Variants in ZNF408 observed in about 807,000 individuals in gnomAD.
The protein encoded by ZNF408 is PR domain zinc finger protein 17.
Under a neutral mutation model 27.6 loss-of-function variants are expected in ZNF408, and 24 were observed. That is an observed-to-expected ratio of 0.87 (90% CI 0.63 to 1.22). ZNF408 has a LOEUF of 1.22. ZNF408 is among the 50% of genes most tolerant of loss of function. The probability of loss-of-function intolerance (pLI) is 0.00; values close to 1 mark genes in which losing one functional copy is unlikely to be tolerated. For synonymous variants in ZNF408, 410 were observed against 396.1 expected, an observed-to-expected ratio of 1.04 and a Z score of -0.42; for missense variants, 897 against 949.0, an observed-to-expected ratio of 0.95 and a Z score of 0.72.
chr11:46,702,513 A>G (rs530398355), intron 2 of ZNF408, among the ~76,000 whole-genome samples, 191 bp from the exon 3 acceptor site: 31 of 152,364 alleles, frequency 2.0e-4, no homozygotes, highest in Non-Finnish European at 4.3e-4. Flanking sequence ...GGAGGTGAGG[A>G]GACAGACTTT....
chr11:46,705,514 A>G lies in ZNF408; in HGVS notation c.1814A>G (p.Lys605Arg). 6.2e-7 allele frequency: 1 copy of G among 1,604,974 alleles called. No individual in the cohort carries two copies. The highest frequency in any genetic ancestry group is 8.5e-7 in the Non-Finnish European group (1 of 1,179,976). The change falls in exon 5 of 5, where the codon AAG becomes AGG. Residue 605 changes from lysine to arginine, a missense_variant. Coordinates refer to ENST00000311764, the MANE Select transcript of ZNF408 (RefSeq NM_024741.3). The surrounding 1 kb of genome is among the most constrained non-coding windows in gnomAD (Gnocchi z 6.5). ...CACCTCAAATCTCACTTGGAGGACA[A>G]GCCCTACCGCTGCCCCACCTGTGGC... Reference protein sequence around the residue: ...RRHLKSHLEDKPYRCPTCGMG... With the variant: ...RRHLKSHLEDRPYRCPTCGMG...
At chr11:46,703,758 G>GTTTTTTTTTTTTT (rs371644247) in intron 4 of ZNF408, among the ~76,000 whole-genome samples, 1 of 94,174 alleles carries the variant, frequency 1.1e-5, no homozygotes, top group African/African-American at 4.7e-5. Context: ...TGTTGTTGTT[G>GTTTTTTTTTTTTT]TTGTTGTTGT....
At chr11:46,703,820 T>C (rs1030645741) in intron 4 of ZNF408, among the ~76,000 whole-genome samples, 1 of 139,280 alleles carries the variant, frequency 7.2e-6, no homozygotes, top group Non-Finnish European at 1.5e-5. Context: ...CAGGCTGGAG[T>C]GCAATGGCGT....
chr11:46,705,660 G>C lies in ZNF408; in HGVS notation c.1960G>C (p.Ala654Pro). 3 of 1,613,728 alleles carry C rather than the reference G, an allele frequency of 1.9e-6. No homozygotes were observed. Among genetic ancestry groups the C allele is most frequent in the Non-Finnish European group, 2.5e-6 (3 of 1,179,998 alleles). ...ASEPTVVLLQAEPQLLDTHRE... is the reference protein window; with the variant it reads ...ASEPTVVLLQPEPQLLDTHRE... ...TGAGCCCACTGTGGTGCTCCTGCAG[G>C]CTGAGCCACAACTGCTGGACACACA... Residue 654 changes from alanine to proline, a missense_variant, in exon 5 of 5, where the codon GCT (alanine) becomes CCT (proline). Ala to Pro is a conservative substitution (Grantham distance 27, BLOSUM62 -1). Transcript: ENST00000311764. This position sits in a 1 kb window ranked among gnomAD's most constrained non-coding sequence, Gnocchi z 6.5.
Position 46,705,455 on chromosome 11 carries a change from C to A in ZNF408, c.1755C>A (p.Gly585=). ...GGCCCTTTCCCTGTCCCCAGTGTGG[C>A]CGTGCTTACACGCTGGCCACCAAGC... is the stretch of plus-strand genomic sequence containing the variant. The part of the protein sequence containing the change: ...GERPFPCPQC[G]RAYTLATKLR... The change falls in exon 5 of 5, where the codon GGC becomes GGA. Residue 585 remains glycine (G), a synonymous_variant. Coordinates refer to ENST00000311764, the MANE Select transcript of ZNF408 (RefSeq NM_024741.3). This position sits in a 1 kb window ranked among gnomAD's most constrained non-coding sequence, Gnocchi z 6.5. 5 of 1,607,854 alleles carry A rather than the reference C, an allele frequency of 3.1e-6. No individual in the cohort carries two copies. Among genetic ancestry groups the A allele is most frequent in the East Asian group, 4.5e-5 (2 of 44,860 alleles).
At chr11:46,704,305 A>G (rs1232061892) in intron 4 of ZNF408, 48 bp from the exon 5 acceptor site, 7 of 1,522,896 alleles carry the variant, frequency 4.6e-6, no homozygotes, top group Non-Finnish European at 6.2e-6. Flanking sequence ...TGGTAACACC[A>G]TCTGCATTGA....
rs759327005 is a variant in ZNF408, at chr11:46,705,842, G to A, written c.2142G>A (p.Val714=). 6.2e-7 allele frequency: 1 copy of A among 1,612,218 alleles called. No homozygotes were observed. Residue 714 remains valine, a synonymous_variant, in exon 5 of 5, where the codon GTG becomes GTA. Transcript: ENST00000311764. This position sits in a 1 kb window ranked among gnomAD's most constrained non-coding sequence, Gnocchi z 6.5. ...DMGLGAWAEV[V]EVEMGT ...GCCTCGGCGCCTGGGCAGAGGTGGT[G>A]GAGGTGGAGATGGGCACCTGACAGC...
chr11:46,701,351 T>C, intron 1 of ZNF408, 48 bp from the exon 2 acceptor site: 1 of 1,596,800 alleles, frequency 6.3e-7, no homozygotes, highest in Non-Finnish European at 8.6e-7. Flanking sequence ...TTTCCCCACC[T>C]CCCACCTTCT....
chr11:46,704,659 C>G lies in ZNF408; in HGVS notation c.959C>G (p.Ala320Gly), dbSNP rs763894842. 1 of 1,613,796 alleles carries G rather than the reference C, an allele frequency of 6.2e-7. No individual in the cohort carries two copies. Among genetic ancestry groups the G allele is most frequent in the South Asian group, 1.1e-5 (1 of 91,074 alleles). The part of the protein sequence containing the change: ...HSPSDQCPPR[A>G]KTPEPGAQQS... The stretch of plus-strand genomic sequence containing the variant: ...CCCAGTGATCAGTGCCCACCCAGAG[C>G]AAAGACCCCAGAGCCTGGAGCCCAG... Residue 320 changes from alanine (A) to glycine (G), a missense_variant, in exon 5 of 5, where the codon GCA (alanine) becomes GGA (glycine). Ala to Gly is a moderately conservative substitution (Grantham distance 60). Transcript: ENST00000311764.
In ZNF408 at chr11:46,705,881, GAC is replaced by G. The variant is rs751026127; in HGVS notation, c.*22_*23del. On this transcript the variant is annotated 3_prime_UTR_variant, in exon 5 of 5. Coordinates refer to ENST00000311764, the MANE Select transcript of ZNF408 (RefSeq NM_024741.3). This position sits in a 1 kb window ranked among gnomAD's most constrained non-coding sequence, Gnocchi z 6.5. Reference sequence around the variant, plus strand: ...GCACCTGACAGCTTTGCCTTTTGCTGACACAGCTCCATAAAGACTCGTGCTTT... The same window carrying G: ...GCACCTGACAGCTTTGCCTTTTGCTGACAGCTCCATAAAGACTCGTGCTTT... The G allele has an allele frequency of 2.5e-5, 40 of 1,603,710 alleles. No homozygotes were observed. In the South Asian group the frequency reaches 4.2e-4, roughly 17 times the overall value.
At chr11:46,702,946 G>A (rs1343227691) in intron 3 of ZNF408, 38 bp from the exon 4 acceptor site, 1 of 1,610,658 alleles carries the variant, frequency 6.2e-7, no homozygotes, top group Admixed American at 1.7e-5. Flanking sequence ...CACTTGAATA[G>A]TGAGCATCTC....
chr11:46,704,572 G>A lies in ZNF408; in HGVS notation c.872G>A (p.Ser291Asn), dbSNP rs777777641. 2.5e-6 allele frequency: 4 copies of A among 1,613,552 alleles called. No homozygotes were observed. The African/African-American group carries it at 5.3e-5, about 22-fold the overall frequency. Residue 291 changes from serine (S) to asparagine (N), a missense_variant, in exon 5 of 5, where the codon AGT (serine) becomes AAT (asparagine). Transcript: ENST00000311764. ...TQQDPDGSGA[S>N]FSSSARGTQP... ...CAGGACCCAGATGGCAGTGGAGCCA[G>A]TTTCTCATCTTCTGCCAGGGGCACC...
chr11:46,704,266 G>T, intron 4 of ZNF408, 87 bp from the exon 5 acceptor site: 1 of 1,406,554 alleles, frequency 7.1e-7, no homozygotes, highest in Non-Finnish European at 9.7e-7. Flanking sequence ...GGGGCTGGGT[G>T]GGAGAAAACA....
intron 4 of ZNF408, 48 bp downstream of exon 4, chr11:46,703,291 C>A: frequency 6.4e-7 from 1 of 1,570,342 alleles, no homozygotes; most frequent in Non-Finnish European, 8.6e-7. Context: ...CCCACCAAAA[C>A]AACCTGTTGA....
At position 46,701,118 on chromosome 11, in the gene ZNF408, C is replaced by A. The variant is rs765045914; in HGVS notation, c.52+19C>A. The stretch of plus-strand genomic sequence containing the variant: ...CAACTCGGTGAGTGACCTGCGATGT[C>A]CGCGACCCTCAACCTTGGCCCAGGT... On this transcript the variant is annotated intron_variant, in intron 1 of 4. Transcript: ENST00000311764. The A allele has an allele frequency of 1.2e-6, 2 of 1,613,942 alleles. No homozygotes were observed. The highest frequency in any genetic ancestry group is 2.2e-5 in the East Asian group (1 of 44,892).
chr11:46,701,760 G>A, intron 2 of ZNF408, 84 bp downstream of exon 2: 2 of 1,416,818 alleles, frequency 1.4e-6, no homozygotes, highest in Admixed American at 2.8e-5. Context: ...TCAATTTGAA[G>A]AAAGAGAGTA....
At chr11:46,702,054 A>G (rs2064713216) in intron 2 of ZNF408, among the ~76,000 whole-genome samples, 2 of 152,236 alleles carry the variant, frequency 1.3e-5, no homozygotes, top group South Asian at 2.1e-4. Context: ...TGAAATAGTG[A>G]AGATAAAAGG....
Position 46,703,188 on chromosome 11 carries a change from T to C in ZNF408, c.597T>C (p.Ser199=). 3 of 1,613,338 alleles carry C rather than the reference T, an allele frequency of 1.9e-6. No homozygotes were observed. The highest frequency in any genetic ancestry group is 2.2e-5 in the East Asian group (1 of 44,806). ...TAGCAGTGGTGACAGAAGTGGAGTC[T>C]GCTGTACAGCAGGAAGTGGCCTCCC... ...AAVAVVTEVE[S]AVQQEVASPG... is the part of the protein sequence containing the mutation. Residue 199 remains serine, a synonymous_variant, in exon 4 of 5, where the codon TCT becomes TCC. Transcript: ENST00000311764.
In ZNF408 at chr11:46,705,623, T is replaced by G. The variant is rs1205381059; in HGVS notation, c.1923T>G (p.Pro641=). 1 of 1,612,756 alleles carries G rather than the reference T, an allele frequency of 6.2e-7. No homozygotes were observed. ...PEAPCSPPSV[P]SAASEPTVVL... The stretch of plus-strand genomic sequence containing the variant: ...CACCCTGCAGCCCACCCTCTGTGCC[T>G]TCTGCTGCTTCTGAGCCCACTGTGG... Residue 641 remains proline, a synonymous_variant, in exon 5 of 5, where the codon CCT becomes CCG. Coordinates refer to ENST00000311764, the MANE Select transcript of ZNF408 (RefSeq NM_024741.3). The surrounding 1 kb of genome is among the most constrained non-coding windows in gnomAD (Gnocchi z 6.5).
Sources: gnomAD v4.1 joint callset for allele counts (sites outside exome capture counted in the v4.1 genomes callset) on GRCh38, gnomAD v4.1.1 for gene constraint, Gnocchi (gnomAD v3.1) non-coding constraint, MANE v1.5 for transcripts, NCBI Gene and HGNC (gene_info 2026-07-23, HGNC 2026-07-21) for gene names.